The following PRDM6 variants were observed in gnomAD, a reference collection of about 807,000 sequenced individuals.
PRDM6 encodes PR/SET domain 6.
A neutral mutation model predicts 60.8 loss-of-function variants in PRDM6; 25 were observed. The observed-to-expected ratio is 0.41, with a 90% CI of 0.30 to 0.57. PRDM6 has a LOEUF of 0.57. PRDM6 is among the 20% of genes least tolerant of loss of function. The pLI is 0.27. For synonymous variants in PRDM6, 407 were observed against 357.4 expected, an observed-to-expected ratio of 1.14 and a Z score of -1.57; for missense variants, 839 against 821.3, an observed-to-expected ratio of 1.02 and a Z score of -0.26.
chr5:123,117,783 C>G (rs1167408675), intron 3 of PRDM6, among the ~76,000 whole-genome samples: 1 of 152,000 alleles, frequency 6.6e-6, no homozygotes, highest in Non-Finnish European at 1.5e-5. Context: ...TGCTCATTTG[C>G]TTTGCATGTG....
chr5:123,181,456 G>A (rs1766159381), intron 7 of PRDM6, among the ~76,000 whole-genome samples: 1 of 152,172 alleles, frequency 6.6e-6, no homozygotes, highest in South Asian at 2.1e-4. Flanking sequence ...CGTCCAAACA[G>A]CAGGTGGAAA....
chr5:123,090,559 G>A lies in PRDM6; in HGVS notation c.545G>A (p.Arg182His). 6.6e-7 allele frequency: 1 copy of A among 1,525,764 alleles called. No individual in the cohort carries two copies. The highest frequency in any genetic ancestry group is 8.7e-7 in the Non-Finnish European group (1 of 1,143,748). 94.5% of individuals were successfully genotyped at this position (1,525,764 alleles called of 1,614,324 possible). ...GACTATTACCTGTATGGCCAGCAGC[G>A]CATGGAGATCATCCCGCTCAACCAG... Reference protein sequence around the residue: ...ELDYYLYGQQRMEIIPLNQHT... With the variant: ...ELDYYLYGQQHMEIIPLNQHT... The change falls in exon 2 of 8, where the codon CGC becomes CAC. Residue 182 changes from arginine (R) to histidine (H), a missense_variant. Arg to His is a conservative substitution (Grantham distance 29, BLOSUM62 0). Transcript: ENST00000407847.
Position 123,191,577 on chromosome 5 carries a change from G to T in PRDM6, c.*4376G>T, listed in dbSNP as rs1049168807. The T allele has an allele frequency of 6.6e-6, 1 of 152,108 alleles. No homozygotes were observed. The highest frequency in any genetic ancestry group is 1.9e-4 in the East Asian group (1 of 5,198). The allele number at this position is 152,108 out of a possible 1,614,324, so 9.4% of individuals were successfully genotyped here. A position where few individuals can be genotyped will look rare whatever the true frequency, so the allele number is the denominator to read the frequency against. On this transcript the variant is annotated 3_prime_UTR_variant, in exon 8 of 8. Coordinates refer to ENST00000407847, the MANE Select transcript of PRDM6 (RefSeq NM_001136239.4). ...GATTTTAAAAGATACTGAGATATAT[G>T]CTTCTTTAAATGATAACTGTAAGTT...
At chr5:123,179,400 T>C (rs1766091792) in intron 6 of PRDM6, among the ~76,000 whole-genome samples, 1 of 152,218 alleles carries the variant, frequency 6.6e-6, no homozygotes, top group South Asian at 2.1e-4. Context: ...AAAGATCTAA[T>C]GGATAAATAT....
At chr5:123,129,789 T>C (rs1211118774) in intron 3 of PRDM6, among the ~76,000 whole-genome samples, 1 of 152,202 alleles carries the variant, frequency 6.6e-6, no homozygotes, top group African/African-American at 2.4e-5. Flanking sequence ...ATATTTCCTT[T>C]CCTTTATTTC....
chr5:123,169,993 C>A lies in PRDM6; in HGVS notation c.1154-773C>A, dbSNP rs559508000. 3.9e-5 allele frequency among the ~76,000 whole-genome samples: 6 copies of A among 152,332 alleles called. No individual in the cohort carries two copies. In the East Asian group the frequency reaches 1.2e-3, roughly 29 times the overall value. ...TCCCATCTATAAATCAGGTCTCTCT[C>A]AAGCCCTTCCTGAACACTGGTTCTA... On this transcript the variant is annotated intron_variant, in intron 5 of 7. Transcript: ENST00000407847.
At chr5:123,161,249 A>T (rs1435592302) in intron 5 of PRDM6, among the ~76,000 whole-genome samples, 1 of 152,194 alleles carries the variant, frequency 6.6e-6, no homozygotes, top group Non-Finnish European at 1.5e-5. Flanking sequence ...CATTGTTCAG[A>T]TGTGTAAGGA....
intron 3 of PRDM6, among the ~76,000 whole-genome samples, chr5:123,105,185 A>G (rs1580480856): frequency 6.6e-6 from 1 of 152,352 alleles, no homozygotes; most frequent in East Asian, 1.9e-4. Flanking sequence ...TCTCAATATG[A>G]AGAAAATAAT....
chr5:123,191,545 G>C lies in PRDM6; in HGVS notation c.*4344G>C, dbSNP rs542844739. Reference sequence around the variant, plus strand: ...TTTCCCAGAGTCTTTACTAGATCCTGACATCAGATTTTAAAAGATACTGAG... The same window carrying C: ...TTTCCCAGAGTCTTTACTAGATCCTCACATCAGATTTTAAAAGATACTGAG... On this transcript the variant is annotated 3_prime_UTR_variant, in exon 8 of 8. Transcript: ENST00000407847. 6.6e-6 allele frequency: 1 copy of C among 152,146 alleles called. No individual in the cohort carries two copies. Among genetic ancestry groups the C allele is most frequent in the South Asian group, 2.1e-4 (1 of 4,808 alleles). The allele number at this position is 152,146 out of a possible 1,614,324, so 9.4% of individuals were successfully genotyped here.
In PRDM6 at chr5:123,090,212, G is replaced by C. The variant is rs1050281292; in HGVS notation, c.198G>C (p.Pro66=). ...PPPPERAEPP[P]DSLRPRPASL... ...CCCCGGAGCGCGCTGAGCCTCCGCC[G>C]GACAGCCTGCGCCCGCGGCCCGCCT... Residue 66 remains proline (P), a synonymous_variant, in exon 2 of 8, where the codon CCG becomes CCC. Transcript: ENST00000407847. The C allele has an allele frequency of 1.3e-5, 19 of 1,479,838 alleles. No individual in the cohort carries two copies. The highest frequency in any genetic ancestry group is 3.9e-5 in the South Asian group (3 of 77,132). The allele number at this position is 1,479,838 out of a possible 1,614,324, so 91.7% of individuals were successfully genotyped here. A position where few individuals can be genotyped will look rare whatever the true frequency, so the allele number is the denominator to read the frequency against.
intron 2 of PRDM6, among the ~76,000 whole-genome samples, chr5:123,092,946 TA>T (rs1220513130): frequency 6.6e-6 from 1 of 152,120 alleles, no homozygotes; most frequent in Non-Finnish European, 1.5e-5. Flanking sequence ...GAAATGCAAA[TA>T]GTGGGAAACT....
At chr5:123,155,545 C>A (rs923315188) in intron 3 of PRDM6, among the ~76,000 whole-genome samples, 3 of 151,984 alleles carry the variant, frequency 2.0e-5, no homozygotes, top group Non-Finnish European at 4.4e-5. Context: ...AGTGCGGCCT[C>A]TCCTTTCAGC....
chr5:123,126,799 G>A (rs891909097), intron 3 of PRDM6, among the ~76,000 whole-genome samples: 2 of 152,146 alleles, frequency 1.3e-5, no homozygotes, highest in Non-Finnish European at 2.9e-5. Flanking sequence ...TCCAAGAAAA[G>A]CCTTCTAGCT....
In PRDM6 at chr5:123,094,972, G is replaced by A. The variant is rs376755357; in HGVS notation, c.592+4366G>A. 2.0e-5 allele frequency among the ~76,000 whole-genome samples: 3 copies of A among 152,254 alleles called. No individual in the cohort carries two copies. In the South Asian group the frequency reaches 6.2e-4, roughly 32 times the overall value. Reference sequence around the variant, plus strand: ...CCAGGGTCAAGCCCGCAGCCAGGCAGGGCAGAGAACGCCCAGAGCTTTTGC... The same window carrying A: ...CCAGGGTCAAGCCCGCAGCCAGGCAAGGCAGAGAACGCCCAGAGCTTTTGC... On this transcript the variant is annotated intron_variant, in intron 2 of 7. Transcript: ENST00000407847.
At chr5:123,109,479 C>T (rs747589719) in intron 3 of PRDM6, among the ~76,000 whole-genome samples, 1 of 151,990 alleles carries the variant, frequency 6.6e-6, no homozygotes, top group Non-Finnish European at 1.5e-5. Context: ...TTTGATAAAA[C>T]AAAAGATTGT....
At chr5:123,127,077 G>A (rs1362068755) in intron 3 of PRDM6, among the ~76,000 whole-genome samples, 2 of 149,094 alleles carry the variant, frequency 1.3e-5, no homozygotes, top group East Asian at 3.9e-4. Flanking sequence ...TTTCTCTGTT[G>A]CCCAGGCTGG....
At chr5:123,183,481 A>C (rs1331098381) in intron 7 of PRDM6, among the ~76,000 whole-genome samples, 1 of 152,216 alleles carries the variant, frequency 6.6e-6, no homozygotes, top group Admixed American at 6.5e-5. Context: ...GCTTTGCCTC[A>C]TATCTGATTG....
chr5:123,131,935 G>A (rs1266200235), intron 3 of PRDM6, among the ~76,000 whole-genome samples: 1 of 152,130 alleles, frequency 6.6e-6, no homozygotes, highest in Non-Finnish European at 1.5e-5. Context: ...TAGCCTTTCT[G>A]TACCCTGGGT....
intron 3 of PRDM6, among the ~76,000 whole-genome samples, chr5:123,133,829 C>CAA (rs35835120): frequency 7.3e-6 from 1 of 136,066 alleles, no homozygotes. Flanking sequence ...GTTTATCAAT[C>CAA]AAAAAAAAAA....
Sources: gnomAD v4.1 joint callset for allele counts (sites outside exome capture counted in the v4.1 genomes callset) on GRCh38, gnomAD v4.1.1 for gene constraint, MANE v1.5 for transcripts, NCBI Gene and HGNC (gene_info 2026-07-23, HGNC 2026-07-21) for gene names.